OMA1: variants seen among roughly 807,000 people sequenced by gnomAD.
The protein encoded by OMA1 is OMA1 zinc metallopeptidase.
A neutral mutation model predicts 30.9 loss-of-function variants in OMA1; 38 were observed. That is an observed-to-expected ratio of 1.23 (90% CI 0.95 to 1.61). The LOEUF (loss-of-function observed/expected upper bound fraction) is 1.61, where lower values mean the gene tolerates loss of function less well. OMA1 is among the 40% of genes most tolerant of loss of function. The pLI, the probability that OMA1 is intolerant of heterozygous loss-of-function variation, is 0.00. For synonymous variants in OMA1, 173 were observed against 121.9 expected (o/e 1.42, Z -2.76); for missense variants, 461 against 349.2 (o/e 1.32, Z -2.55).
intron 8 of OMA1, among the ~76,000 whole-genome samples, chr1:58,492,674 G>C (rs1464462873): frequency 2.0e-5 from 3 of 152,116 alleles, no homozygotes; most frequent in African/African-American, 2.4e-5. Context: ...GGAAGAAATG[G>C]ATAAATTCCT....
chr1:58,543,453 CCTT>C (rs1294612733), intron 1 of OMA1, among the ~76,000 whole-genome samples: 1 of 152,108 alleles, frequency 6.6e-6, no homozygotes, highest in African/African-American at 2.4e-5. Context: ...AATTCTACCT[CCTT>C]CTTATCTCAT....
Position 58,527,325 on chromosome 1 carries a change from T to C in OMA1, c.1151A>G (p.Asn384Ser). The C allele has an allele frequency of 1.1e-6, 1 of 872,060 alleles. No homozygotes were observed. The highest frequency in any genetic ancestry group is 1.3e-5 in the South Asian group (1 of 76,502). The allele number at this position is 872,060 out of a possible 1,614,324, so 54.0% of individuals were successfully genotyped here. Reference protein sequence around the residue: ...IQSKLQEYMFNRPYSRKLEAE... With the variant: ...IQSKLQEYMFSRPYSRKLEAE... ...CTCCAATTTTCTGCTGTATGGTCTA[T>C]TAAACATATACTAAGAAGAAATGAC... Residue 384 changes from asparagine (N) to serine (S), a missense_variant, in exon 7 of 9, where the codon AAT (asparagine) becomes AGT (serine). By Grantham distance (46) the Asn-to-Ser change is conservative. Coordinates refer to ENST00000371226, the MANE Select transcript of OMA1 (RefSeq NM_145243.5).
chr1:58,531,725 T>G (rs374415760), intron 5 of OMA1, among the ~76,000 whole-genome samples: 12 of 148,706 alleles, frequency 8.1e-5, no homozygotes, highest in African/African-American at 3.0e-4. Context: ...TCTTTTTTTT[T>G]TTGAGACAGA....
intron 8 of OMA1, among the ~76,000 whole-genome samples, chr1:58,499,513 G>GATAA (rs1557442581): frequency 1.3e-5 from 2 of 149,396 alleles, no homozygotes; most frequent in Non-Finnish European, 3.0e-5. Flanking sequence ...TAGATAAATA[G>GATAA]ATAGATAGAT....
At chr1:58,490,486 A>G (rs1232857364) in intron 8 of OMA1, among the ~76,000 whole-genome samples, 2 of 152,174 alleles carry the variant, frequency 1.3e-5, no homozygotes, top group African/African-American at 2.4e-5. Context: ...TGAAAGTGAC[A>G]GGGAGAATGG....
intron 7 of OMA1, among the ~76,000 whole-genome samples, chr1:58,523,074 T>C (rs1457496215): frequency 6.6e-6 from 1 of 152,222 alleles, no homozygotes; most frequent in African/African-American, 2.4e-5. Flanking sequence ...GTCAATTTGT[T>C]TTCTGGCACT....
chr1:58,538,614 G>C (rs751418534), intron 2 of OMA1, among the ~76,000 whole-genome samples, 181 bp downstream of exon 2: 1 of 152,122 alleles, frequency 6.6e-6, no homozygotes, highest in Non-Finnish European at 1.5e-5. Context: ...AAATTGGGCA[G>C]GACCTACTGT....
At chr1:58,493,560 T>G (rs1344070858) in intron 8 of OMA1, among the ~76,000 whole-genome samples, 1 of 151,356 alleles carries the variant, frequency 6.6e-6, no homozygotes, top group Non-Finnish European at 1.5e-5. Context: ...ATAAGCAACT[T>G]CAGCAAAGTC....
At chr1:58,488,912 T>C (rs2100367793) in intron 8 of OMA1, among the ~76,000 whole-genome samples, 1 of 152,376 alleles carries the variant, frequency 6.6e-6, no homozygotes, top group South Asian at 2.1e-4. Flanking sequence ...TGTCCAAGTT[T>C]TATGATCAAT....
intron 8 of OMA1, among the ~76,000 whole-genome samples, chr1:58,502,348 T>C (rs1387027578): frequency 6.6e-6 from 1 of 152,230 alleles, no homozygotes; most frequent in African/African-American, 2.4e-5. Flanking sequence ...GTGGAAAATA[T>C]GCAATACTGT....
rs17117720 is a variant in OMA1 at position 58,538,945 on chromosome 1, G to C, written c.350C>G (p.Pro117Arg). 1 of 872,720 alleles carries C rather than the reference G, an allele frequency of 1.1e-6. No individual in the cohort carries two copies. 54.1% of individuals were successfully genotyped at this position (872,720 alleles called of 1,614,324 possible). ...QLLIKEVTAV[P>R]SLSVLHPLSP... ...TAGAGGATGCAATACTGACAGACTA[G>C]GGACTGCTGTAACTTCTTTTATTAG... Residue 117 changes from proline to arginine, a missense_variant, in exon 2 of 9, where the codon CCT becomes CGT. Coordinates refer to ENST00000371226, the MANE Select transcript of OMA1 (RefSeq NM_145243.5).
intron 8 of OMA1, among the ~76,000 whole-genome samples, chr1:58,484,254 A>C (rs1645537191): frequency 6.6e-6 from 1 of 152,170 alleles, no homozygotes; most frequent in Non-Finnish European, 1.5e-5. Flanking sequence ...GGCTTTTATA[A>C]ATTACCCTGC....
chr1:58,514,872 C>A (rs1415885868), intron 7 of OMA1, among the ~76,000 whole-genome samples: 1 of 152,154 alleles, frequency 6.6e-6, no homozygotes, highest in East Asian at 1.9e-4. Context: ...GAGAGGGAAA[C>A]CTTACTGTCT....
At chr1:58,495,290 G>T (rs952680147) in intron 8 of OMA1, among the ~76,000 whole-genome samples, 2 of 151,938 alleles carry the variant, frequency 1.3e-5, no homozygotes, top group East Asian at 3.9e-4. Context: ...GAGGAGGGAG[G>T]GATAGCATTA....
chr1:58,539,158 A>G lies in OMA1; in HGVS notation c.137T>C (p.Ile46Thr), dbSNP rs755315245. ...RGCHQVQVNH[I>T]VNKYQGLGVN... ...TCCCAGTCCCTGATACTTATTTACT[A>G]TATGGTTAACTTGTACTTGATGACA... Residue 46 changes from isoleucine (I) to threonine (T), a missense_variant, in exon 2 of 9, where the codon ATA (isoleucine) becomes ACA (threonine). By Grantham distance (89) the Ile-to-Thr change is moderately conservative. Transcript: ENST00000371226. The G allele has an allele frequency of 1.6e-5, 14 of 872,846 alleles. No homozygotes were observed. Among genetic ancestry groups the G allele is most frequent in the Non-Finnish European group, 2.8e-5 (14 of 501,664 alleles). 54.1% of individuals were successfully genotyped at this position (872,846 alleles called of 1,614,324 possible). A position where few individuals can be genotyped will look rare whatever the true frequency, so the allele number is the denominator to read the frequency against.
intron 8 of OMA1, among the ~76,000 whole-genome samples, chr1:58,492,198 G>A (rs916856285): frequency 6.6e-6 from 1 of 152,096 alleles, no homozygotes; most frequent in Non-Finnish European, 1.5e-5. Flanking sequence ...CAGAAATAAA[G>A]ATGTTCTTTG....
Position 58,506,137 on chromosome 1 carries a change from G to A in OMA1, c.1288C>T (p.Pro430Ser). 2 of 871,842 alleles carry A rather than the reference G, an allele frequency of 2.3e-6. No individual in the cohort carries two copies. Among genetic ancestry groups the A allele is most frequent in the Non-Finnish European group, 4.0e-6 (2 of 501,052 alleles). 54.0% of individuals were successfully genotyped at this position (871,842 alleles called of 1,614,324 possible). A position where few individuals can be genotyped will look rare whatever the true frequency, so the allele number is the denominator to read the frequency against. Reference sequence around the variant, plus strand: ...GTAGATAACCATTCTGGCATCTTGGGTTGGCCATGCAGGCTATCAACGAAC... The same window carrying A: ...GTAGATAACCATTCTGGCATCTTGGATTGGCCATGCAGGCTATCAACGAAC... ...MEFVDSLHGQ[P>S]KMPEWLSTHP... The change falls in exon 8 of 9, where the codon CCC (proline) becomes TCC (serine). Residue 430 changes from proline (P) to serine (S), a missense_variant. Coordinates refer to ENST00000371226, the MANE Select transcript of OMA1 (RefSeq NM_145243.5).
chr1:58,520,073 C>G (rs1646238456), intron 7 of OMA1, among the ~76,000 whole-genome samples: 1 of 151,888 alleles, frequency 6.6e-6, no homozygotes, highest in South Asian at 2.1e-4. Context: ...AAGATGGGAA[C>G]AACAGACACT....
At chr1:58,533,211 A>G (rs2100479907) in intron 5 of OMA1, among the ~76,000 whole-genome samples, 1 of 152,346 alleles carries the variant, frequency 6.6e-6, no homozygotes, top group African/African-American at 2.4e-5. Context: ...GCATACATCA[A>G]CTTGAATTCT....
Sources: allele counts gnomAD v4.1 joint callset (sites outside exome capture counted in the v4.1 genomes callset), GRCh38; gene constraint gnomAD v4.1.1; transcripts MANE v1.5; gene names NCBI Gene and HGNC (gene_info 2026-07-23, HGNC 2026-07-21).